The following PTPRE variants were observed in gnomAD, a reference collection of about 807,000 sequenced individuals.
The protein encoded by PTPRE is receptor-type tyrosine-protein phosphatase epsilon.
Under a neutral mutation model 102.0 loss-of-function variants are expected in PTPRE, and 51 were observed. The observed-to-expected ratio is 0.50, with a 90% CI of 0.40 to 0.63. PTPRE has a LOEUF of 0.63. Among genes scored for constraint, PTPRE ranks in the 30% least tolerant of loss-of-function variants. The pLI is 0.00. For missense variants in PTPRE, 752 were observed against 915.1 expected, an observed-to-expected ratio of 0.82 and a Z score of 2.30; for synonymous variants, 345 against 348.2, an observed-to-expected ratio of 0.99 and a Z score of 0.10.
intron 2 of PTPRE, among the ~76,000 whole-genome samples, chr10:128,009,362 GTTCTGTTAA>G (rs1323945789): frequency 1.3e-5 from 2 of 152,344 alleles, no homozygotes; most frequent in East Asian, 3.9e-4. Context: ...TGAGCTTGAT[GTTCTGTTAA>G]TTCCTGAGAG....
intron 1 of PTPRE, among the ~76,000 whole-genome samples, chr10:127,970,091 G>GT (rs548774865): frequency 6.6e-6 from 1 of 152,152 alleles, no homozygotes; most frequent in African/African-American, 2.4e-5. Flanking sequence ...ACACACACGC[G>GT]TAAAAAAAAG....
chr10:127,932,343 C>CACAA (rs1391532331), intron 1 of PTPRE, among the ~76,000 whole-genome samples: 1 of 152,034 alleles, frequency 6.6e-6, no homozygotes, highest in African/African-American at 2.4e-5. Flanking sequence ...TATATTTGGC[C>CACAA]TATTGTGGCC....
At chr10:128,063,215 C>T (rs1849768112) in intron 10 of PTPRE, 35 bp downstream of exon 10, 2 of 1,610,850 alleles carry the variant, frequency 1.2e-6, no homozygotes, top group Non-Finnish European at 1.7e-6. Context: ...GTATCACTTC[C>T]TTTCAGCTGC....
intron 1 of PTPRE, among the ~76,000 whole-genome samples, chr10:127,915,277 G>T (rs11018401): frequency 0.092 from 14,061 of 152,164 alleles, 780 homozygotes; most frequent in South Asian, 0.17. Context: ...ATTGTTACTA[G>T]TAAAATTTTT....
intron 1 of PTPRE, among the ~76,000 whole-genome samples, chr10:127,918,800 C>T (rs1034863499): frequency 7.9e-5 from 12 of 152,142 alleles, no homozygotes; most frequent in African/African-American, 1.9e-4. Flanking sequence ...GGAAGAGCCA[C>T]GGCTGTTGAG....
intron 3 of PTPRE, among the ~76,000 whole-genome samples, chr10:128,045,750 T>C (rs1393305722): frequency 3.3e-5 from 5 of 152,210 alleles, no homozygotes; most frequent in African/African-American, 1.2e-4. Flanking sequence ...GAAGCTCTGC[T>C]GTGGGCAGGT....
intron 1 of PTPRE, chr10:127,936,177 T>C (rs1847832143): frequency 6.6e-6 from 1 of 152,180 alleles, no homozygotes; most frequent in Non-Finnish European, 1.5e-5. Context: ...ATCCCAGGGG[T>C]TGATGTCATC....
In PTPRE at chr10:128,070,820, G is replaced by T; in HGVS notation, c.1306G>T (p.Val436Phe). 2 of 1,613,868 alleles carry T rather than the reference G, an allele frequency of 1.2e-6. No homozygotes were observed. The highest frequency in any genetic ancestry group is 2.2e-5 in the South Asian group (2 of 91,078). ...TTCTCTGCTGCAGAAATTGACAAAT[G>T]TCCGGATCATGAAGGAGAACATGAG... ...LEEEFRKLTN[V>F]RIMKENMRTG... Residue 436 changes from valine (V) to phenylalanine (F), a missense_variant, in exon 15 of 21, where the codon GTC (valine) becomes TTC (phenylalanine). Around this residue, in one of 2 missense-constraint regions of PTPRE, gnomAD observed 636 missense variants for 824.4 expected, o/e 0.77. Transcript: ENST00000254667. The surrounding 1 kb of genome is among the most constrained non-coding windows in gnomAD (Gnocchi z 4.8).
chr10:127,925,477 G>A (rs1309003327), intron 1 of PTPRE, among the ~76,000 whole-genome samples: 1 of 152,214 alleles, frequency 6.6e-6, no homozygotes, highest in Non-Finnish European at 1.5e-5. Flanking sequence ...TAGTGAGAAA[G>A]GGAGCTTGGC....
intron 10 of PTPRE, among the ~76,000 whole-genome samples, chr10:128,065,173 A>G (rs1849970652): frequency 6.6e-6 from 1 of 152,168 alleles, no homozygotes; most frequent in Admixed American, 6.5e-5. Context: ...GTCATAACAC[A>G]ATGATGCTGC....
intron 1 of PTPRE, among the ~76,000 whole-genome samples, chr10:127,918,717 C>A (rs1846388693): frequency 6.6e-6 from 1 of 152,232 alleles, no homozygotes; most frequent in African/African-American, 2.4e-5. Context: ...AGCATCCTGG[C>A]AGTTGTCACT....
In PTPRE at chr10:127,944,515, G is replaced by GATAA. The variant is rs769455359; in HGVS notation, c.-31+37206_-31+37207insATAA. Among the ~76,000 whole-genome samples, 24 of 20,188 alleles carry GATAA rather than the reference G, an allele frequency of 1.2e-3. 1 individual carries two copies. Among genetic ancestry groups the GATAA allele is most frequent in the Admixed American group, 7.6e-3 (18 of 2,364 alleles). 13.2% of individuals were successfully genotyped at this position (20,188 alleles called of 152,430 possible). On this transcript the variant is annotated intron_variant, in intron 1 of 20. Coordinates refer to ENST00000254667, the MANE Select transcript of PTPRE (RefSeq NM_006504.6). The surrounding 1 kb of genome is among the most constrained non-coding windows in gnomAD (Gnocchi z 4.2). Reference sequence around the variant, plus strand: ...GGATGGATGGATGGATGGATGGATGGGTGGATGGATGGATAAATGGATGGA... The same window carrying GATAA: ...GGATGGATGGATGGATGGATGGATGGATAAGTGGATGGATGGATAAATGGATGGA...
intron 1 of PTPRE, among the ~76,000 whole-genome samples, chr10:127,922,631 CAT>C (rs759959900): frequency 1.3e-4 from 20 of 152,246 alleles, no homozygotes; most frequent in Admixed American, 7.2e-4. Context: ...ATCTGCCACA[CAT>C]GATACCACTT....
chr10:128,011,734 G>C lies in PTPRE; in HGVS notation c.-7-29141G>C, dbSNP rs1271841009. 3.9e-5 allele frequency among the ~76,000 whole-genome samples: 6 copies of C among 152,200 alleles called. No individual in the cohort carries two copies. The East Asian group carries it at 1.2e-3, about 29-fold the overall frequency. On this transcript the variant is annotated intron_variant, in intron 2 of 20. Coordinates refer to ENST00000254667, the MANE Select transcript of PTPRE (RefSeq NM_006504.6). ...TCCTGTTGGGCTGTGAGCATCCTAGGGGCTCCCCCCTCCACCCCAAGAGGG... is the reference window on the plus strand; with the variant it reads ...TCCTGTTGGGCTGTGAGCATCCTAGCGGCTCCCCCCTCCACCCCAAGAGGG...
intron 2 of PTPRE, among the ~76,000 whole-genome samples, chr10:127,983,839 C>G (rs1386012904): frequency 2.6e-5 from 4 of 152,216 alleles, no homozygotes; most frequent in Non-Finnish European, 5.9e-5. Flanking sequence ...GTCAGCAGCT[C>G]CCGCAGCTGA....
At chr10:128,007,090 G>C (rs1356640592) in intron 2 of PTPRE, among the ~76,000 whole-genome samples, 1 of 152,018 alleles carries the variant, frequency 6.6e-6, no homozygotes, top group East Asian at 1.9e-4. Flanking sequence ...TTTATTTTGA[G>C]GTTTCTCTCT....
intron 1 of PTPRE, among the ~76,000 whole-genome samples, chr10:127,924,195 G>T (rs1846837802): frequency 6.6e-6 from 1 of 152,192 alleles, no homozygotes; most frequent in African/African-American, 2.4e-5. Flanking sequence ...GTTTTCAGCA[G>T]GGAGGGCAAG....
At chr10:127,983,571 C>G (rs552058563) in intron 2 of PTPRE, among the ~76,000 whole-genome samples, 1 of 152,318 alleles carries the variant, frequency 6.6e-6, no homozygotes, top group East Asian at 1.9e-4. Flanking sequence ...ATGTGGCTTT[C>G]TTCAAAAGCA....
intron 1 of PTPRE, among the ~76,000 whole-genome samples, chr10:127,963,016 T>A (rs916357760): frequency 6.6e-6 from 1 of 152,170 alleles, no homozygotes; most frequent in Admixed American, 6.5e-5. Context: ...AGGCCTTGAC[T>A]AGGGGTCTCT....
Sources: gnomAD v4.1 joint callset for allele counts (sites outside exome capture counted in the v4.1 genomes callset) on GRCh38, gnomAD v4.1.1 for gene constraint, gnomAD v4.1.1 regional missense constraint, Gnocchi (gnomAD v3.1) non-coding constraint, MANE v1.5 for transcripts, NCBI Gene and HGNC (gene_info 2026-07-23, HGNC 2026-07-21) for gene names.